Variants in RND3 observed in about 807,000 individuals in gnomAD.
RND3 encodes Rho family GTPase 3.
A neutral mutation model predicts 26.5 loss-of-function variants in RND3; 8 were observed. That is an observed-to-expected ratio of 0.30 (90% CI 0.18 to 0.54). The LOEUF (loss-of-function observed/expected upper bound fraction) is 0.54. Ranked by LOEUF, RND3 falls within the 20% of genes least tolerant of loss-of-function variation. The pLI, the probability that RND3 is intolerant of heterozygous loss-of-function variation, is 0.94. For missense variants in RND3, 207 were observed against 302.8 expected, an observed-to-expected ratio of 0.68 and a Z score of 2.35; for synonymous variants, 113 against 113.0, an observed-to-expected ratio of 1.00 and a Z score of 0.00.
chr2:150,487,460 AG>A lies in RND3; in HGVS notation c.-38-6del, dbSNP rs1480805030. 1.4e-6 allele frequency: 1 copy of A among 708,244 alleles called. No individual in the cohort carries two copies. Among genetic ancestry groups the A allele is most frequent in the Admixed American group, 4.8e-5 (1 of 20,738 alleles). The allele number at this position is 708,244 out of a possible 1,614,324, so 43.9% of individuals were successfully genotyped here. ...CTCTTGGAACAGGAATTTTCTCTTA[AG>A]AAGAAAAAAAAAAATATATATATAT... On this transcript the variant is annotated splice_region_variant and splice_polypyrimidine_tract_variant and intron_variant, in intron 1 of 5. Transcript: ENST00000263895.
Position 150,486,927 on chromosome 2 carries a change from T to C in RND3, c.151-146A>G, listed in dbSNP as rs570750864. 15 of 697,574 alleles carry C rather than the reference T, an allele frequency of 2.2e-5. No individual in the cohort carries two copies. Among genetic ancestry groups the C allele is most frequent in the South Asian group, 3.2e-5 (2 of 62,228 alleles). The allele number at this position is 697,574 out of a possible 1,614,324, so 43.2% of individuals were successfully genotyped here. A position where few individuals can be genotyped will look rare whatever the true frequency, so the allele number is the denominator to read the frequency against. On this transcript the variant is annotated intron_variant, in intron 2 of 5. Transcript: ENST00000263895. The surrounding 1 kb of genome is among the most constrained non-coding windows in gnomAD (Gnocchi z 4.5). ...CACATCAGACCACACACTAAGCACA[T>C]GGACCCTTTCCGAAACCCCTGTCCT...
chr2:150,479,693 C>T (rs935813287), intron 3 of RND3, among the ~76,000 whole-genome samples: 4 of 152,168 alleles, frequency 2.6e-5, no homozygotes, highest in Admixed American at 2.0e-4. Flanking sequence ...CTCATGCCAT[C>T]TCTAATCAGA....
chr2:150,471,894 G>T, intron 4 of RND3, 133 bp from the exon 5 acceptor site: 1 of 722,062 alleles, frequency 1.4e-6, no homozygotes, highest in Non-Finnish European at 2.2e-6. Context: ...CCCTTGAGAT[G>T]AAGAAGCAAA....
intron 4 of RND3, among the ~76,000 whole-genome samples, chr2:150,473,452 A>G (rs373346402): frequency 6.6e-6 from 1 of 152,184 alleles, no homozygotes; most frequent in African/African-American, 2.4e-5. Flanking sequence ...ACAGAACTAG[A>G]CATGTTGTTA....
At chr2:150,476,328 C>T (rs1260925410) in intron 3 of RND3, among the ~76,000 whole-genome samples, 1 of 152,124 alleles carries the variant, frequency 6.6e-6, no homozygotes, top group Non-Finnish European at 1.5e-5. Flanking sequence ...ACAACATTTG[C>T]TTGGAGGCTG....
chr2:150,477,486 T>G (rs1686188280), intron 3 of RND3, among the ~76,000 whole-genome samples: 1 of 152,178 alleles, frequency 6.6e-6, no homozygotes, highest in Non-Finnish European at 1.5e-5. Flanking sequence ...ACCACATGAC[T>G]GCTGGGAATA....
intron 4 of RND3, 21 bp from the exon 5 acceptor site, chr2:150,471,782 A>T (rs780110795): frequency 8.7e-6 from 11 of 1,267,274 alleles, no homozygotes; most frequent in Non-Finnish European, 1.1e-5. Flanking sequence ...AAAAAAAAAA[A>T]GATTAAAAAT....
intron 3 of RND3, among the ~76,000 whole-genome samples, chr2:150,484,365 G>A (rs1486970788): frequency 1.3e-5 from 2 of 152,158 alleles, no homozygotes; most frequent in Non-Finnish European, 2.9e-5. Context: ...CAAACAATGT[G>A]CCTTTTCTCC....
At position 150,484,699 on chromosome 2, in the gene RND3, G is replaced by T. The variant is rs79763027; in HGVS notation, c.238+1995C>A. On this transcript the variant is annotated intron_variant, in intron 3 of 5. Transcript: ENST00000263895. ...ATAAAGCCAAGAAGTGTACAGCTGG[G>T]AGAGATCCTGCACATCATCTAGCTC... 4.6e-5 allele frequency among the ~76,000 whole-genome samples: 7 copies of T among 152,316 alleles called. No individual in the cohort carries two copies. In the East Asian group the frequency reaches 1.3e-3, roughly 29 times the overall value.
chr2:150,486,660 C>A lies in RND3; in HGVS notation c.238+34G>T. 6.7e-7 allele frequency: 1 copy of A among 1,484,866 alleles called. No individual in the cohort carries two copies. The highest frequency in any genetic ancestry group is 9.4e-7 in the Non-Finnish European group (1 of 1,062,282). 92.0% of individuals were successfully genotyped at this position (1,484,866 alleles called of 1,614,324 possible). A position where few individuals can be genotyped will look rare whatever the true frequency, so the allele number is the denominator to read the frequency against. On this transcript the variant is annotated intron_variant, in intron 3 of 5. Coordinates refer to ENST00000263895, the MANE Select transcript of RND3 (RefSeq NM_005168.5). This position sits in a 1 kb window ranked among gnomAD's most constrained non-coding sequence, Gnocchi z 4.5. ...GCGCATCCCCCAGCGACTGGAAACC[C>A]GCCCCAAGCGCCACGCGGTCCTCCC...
At chr2:150,474,838 C>T in intron 4 of RND3, 37 bp downstream of exon 4, 1 of 1,156,278 alleles carries the variant, frequency 8.6e-7, no homozygotes, top group Non-Finnish European at 1.3e-6. Context: ...TATACATCAC[C>T]CAGTACTGAA....
chr2:150,475,044 T>A (rs1004391521), intron 3 of RND3, 60 bp from the exon 4 acceptor site: 4 of 1,007,724 alleles, frequency 4.0e-6, no homozygotes, highest in Non-Finnish European at 6.3e-6. Context: ...TGTCATGCAT[T>A]AACTCTACCC....
chr2:150,486,634 C>A lies in RND3; in HGVS notation c.238+60G>T. ...TAGCGCGCGGTTTCCCGAGACCCGC[C>A]GCGCATCCCCCAGCGACTGGAAACC... On this transcript the variant is annotated intron_variant, in intron 3 of 5. Transcript: ENST00000263895. The surrounding 1 kb of genome is among the most constrained non-coding windows in gnomAD (Gnocchi z 4.5). 1 of 1,213,320 alleles carries A rather than the reference C, an allele frequency of 8.2e-7. No homozygotes were observed. The highest frequency in any genetic ancestry group is 1.2e-6 in the Non-Finnish European group (1 of 814,578). 75.2% of individuals were successfully genotyped at this position (1,213,320 alleles called of 1,614,324 possible). A position where few individuals can be genotyped will look rare whatever the true frequency, so the allele number is the denominator to read the frequency against.
rs777453229 is a variant in RND3 at position 150,471,736 on chromosome 2, C to T, written c.374G>A (p.Cys125Tyr). The change falls in exon 5 of 6, where the codon TGT becomes TAT. Residue 125 changes from cysteine (C) to tyrosine (Y), a missense_variant. Transcript: ENST00000263895. ...KKWKGEIQEF[C>Y]PNTKMLLVGC... is the part of the protein sequence containing the mutation. ...GACCAAGAGCATTTTGGTATTTGGA[C>T]AAAATTCCTGGATTTCACCTTTCCA... 6.2e-7 allele frequency: 1 copy of T among 1,605,784 alleles called. No individual in the cohort carries two copies. The highest frequency in any genetic ancestry group is 8.5e-7 in the Non-Finnish European group (1 of 1,176,894).
At chr2:150,476,650 T>A (rs1396635097) in intron 3 of RND3, among the ~76,000 whole-genome samples, 1 of 152,196 alleles carries the variant, frequency 6.6e-6, no homozygotes, top group Non-Finnish European at 1.5e-5. Context: ...AGCTGAAAGA[T>A]ATTTCCCAGA....
chr2:150,475,690 A>C (rs1686152378), intron 3 of RND3, among the ~76,000 whole-genome samples: 1 of 152,160 alleles, frequency 6.6e-6, no homozygotes, highest in African/African-American at 2.4e-5. Context: ...TTGACCTTTG[A>C]GCTTGCTTAT....
chr2:150,474,289 T>C (rs1686131067), intron 4 of RND3, among the ~76,000 whole-genome samples: 2 of 152,190 alleles, frequency 1.3e-5, no homozygotes. Context: ...ATAAACTATG[T>C]GTACATTATA....
At position 150,469,187 on chromosome 2, in the gene RND3, A is replaced by T. The variant is rs1686040062; in HGVS notation, c.*800T>A. On this transcript the variant is annotated 3_prime_UTR_variant, in exon 6 of 6. Transcript: ENST00000263895. ...ACTTTGCATTTTTATCAACGATGGC[A>T]AAAAATCACACAACTTCTAAACAGC... The T allele has an allele frequency of 1.3e-5, 2 of 152,570 alleles. No individual in the cohort carries two copies. The highest frequency in any genetic ancestry group is 1.3e-4 in the Admixed American group (2 of 15,276). 9.5% of individuals were successfully genotyped at this position (152,570 alleles called of 1,614,324 possible). A position where few individuals can be genotyped will look rare whatever the true frequency, so the allele number is the denominator to read the frequency against.
At position 150,474,909 on chromosome 2, in the gene RND3, C is replaced by A. The variant is rs372548276; in HGVS notation, c.314G>T (p.Ser105Ile). The A allele has an allele frequency of 1.2e-6, 2 of 1,612,720 alleles. No homozygotes were observed. The highest frequency in any genetic ancestry group is 1.7e-6 in the Non-Finnish European group (2 of 1,178,946). Residue 105 changes from serine to isoleucine, a missense_variant, in exon 4 of 6, where the codon AGT (serine) becomes ATT (isoleucine). Transcript: ENST00000263895. ...GACACTGTCCAGGGTCTCTGGTCTA[C>A]TGATGTCAAAGCAAATCAGCACAGC... is the stretch of plus-strand genomic sequence containing the variant. The part of the protein sequence containing the change: ...SDAVLICFDI[S>I]RPETLDSVLK...
Sources: gnomAD v4.1 joint callset for allele counts (sites outside exome capture counted in the v4.1 genomes callset) on GRCh38, gnomAD v4.1.1 for gene constraint, Gnocchi (gnomAD v3.1) non-coding constraint, MANE v1.5 for transcripts, NCBI Gene and HGNC (gene_info 2026-07-23, HGNC 2026-07-21) for gene names.